Variants in PLEKHG6 observed in about 807,000 individuals in gnomAD.
The protein encoded by PLEKHG6 is pleckstrin homology domain-containing family G member 6.
PLEKHG6 carries 91 observed loss-of-function variants against 97.5 expected under a neutral mutation model. The ratio of observed to expected loss-of-function variants is 0.93; its 90% CI spans 0.79 to 1.11. The LOEUF (loss-of-function observed/expected upper bound fraction) is 1.11. Ranked by LOEUF, PLEKHG6 falls within the 50% of genes most tolerant of loss-of-function variation. PLEKHG6 has a pLI of 0.00. For missense variants in PLEKHG6, 1,044 were observed against 1,031.0 expected (o/e 1.01, Z -0.17); for synonymous variants, 466 against 425.5 (o/e 1.10, Z -1.17).
rs112889272 is a variant in PLEKHG6, at chr12:6,315,877, C to T, written c.564C>T (p.Ala188=). The change falls in exon 6 of 16, where the codon GCC becomes GCT. Residue 188 remains alanine (A), a synonymous_variant. Coordinates refer to ENST00000684764, the MANE Select transcript of PLEKHG6 (RefSeq NM_001384598.1). The surrounding 1 kb of genome is among the most constrained non-coding windows in gnomAD (Gnocchi z 4.5). ...CGTCTCCCTCCCTGCAGCTGCTAGC[C>T]GCCGGCCTGCTGAACCTGCAGCGAG... is the stretch of plus-strand genomic sequence containing the variant. The part of the protein sequence containing the change: ...RKLKIMTDLL[A]AGLLNLQRVG... 4.5e-5 allele frequency: 71 copies of T among 1,570,048 alleles called. No individual in the cohort carries two copies. Among genetic ancestry groups the T allele is most frequent in the African/African-American group, 2.8e-4 (21 of 74,050 alleles).
rs1476937886 is a variant in PLEKHG6 at position 6,315,480 on chromosome 12, G to A, written c.460-74G>A. On this transcript the variant is annotated intron_variant, in intron 4 of 15. Transcript: ENST00000684764. The surrounding 1 kb of genome is among the most constrained non-coding windows in gnomAD (Gnocchi z 4.5). ...TGCCTAGAACCTATGAAGTGGATCC[G>A]GTCGCACTTAACAGCTGGTACTTGC... 1.1e-5 allele frequency: 11 copies of A among 967,364 alleles called. No individual in the cohort carries two copies. The highest frequency in any genetic ancestry group is 2.3e-5 in the Admixed American group (1 of 42,866). The allele number at this position is 967,364 out of a possible 1,614,324, so 59.9% of individuals were successfully genotyped here. A position where few individuals can be genotyped will look rare whatever the true frequency, so the allele number is the denominator to read the frequency against.
chr12:6,315,940 G>C lies in PLEKHG6; in HGVS notation c.606+21G>C, dbSNP rs1009033565. 2 of 1,569,264 alleles carry C rather than the reference G, an allele frequency of 1.3e-6. No homozygotes were observed. Among genetic ancestry groups the C allele is most frequent in the Non-Finnish European group, 8.7e-7 (1 of 1,155,860 alleles). On this transcript the variant is annotated intron_variant, in intron 6 of 15. Coordinates refer to ENST00000684764, the MANE Select transcript of PLEKHG6 (RefSeq NM_001384598.1). This position sits in a 1 kb window ranked among gnomAD's most constrained non-coding sequence, Gnocchi z 4.5. ...TGGAAGTGAGTGGGTGCTCAGGAGG[G>C]GACCCTGGCACAGCCCGACCTCTGA...
At chr12:6,313,928 C>T (rs546101344) in intron 3 of PLEKHG6, 144 bp downstream of exon 3, 251 of 662,744 alleles carry the variant, frequency 3.8e-4, no homozygotes, top group Non-Finnish European at 3.2e-4. Flanking sequence ...CCTAGGACCT[C>T]TCAGGGATAT....
rs1947887360 is a variant in PLEKHG6 at position 6,327,148 on chromosome 12, C to G, written c.1671-106C>G. On this transcript the variant is annotated intron_variant, in intron 14 of 15. Transcript: ENST00000684764. ...TCACAGTGCGATGGAAAGATGATAC[C>G]AAAATAAGTTTGGAGGAGGGGCCAT... The G allele has an allele frequency of 5.7e-5, 40 of 705,854 alleles. No homozygotes were observed. In the East Asian group the frequency reaches 9.9e-4, roughly 17 times the overall value. 43.7% of individuals were successfully genotyped at this position (705,854 alleles called of 1,614,324 possible). A position where few individuals can be genotyped will look rare whatever the true frequency, so the allele number is the denominator to read the frequency against.
At chr12:6,319,606 C>T (rs1947633812) in intron 13 of PLEKHG6, 3 of 1,535,946 alleles carry the variant, frequency 2.0e-6, no homozygotes, top group Non-Finnish European at 2.6e-6. Context: ...CATCAGAAGA[C>T]AGAAAAAGCC....
At position 6,318,323 on chromosome 12, in the gene PLEKHG6, T is replaced by C. The variant is rs376319106; in HGVS notation, c.1178T>C (p.Leu393Pro). The C allele has an allele frequency of 5.6e-6, 9 of 1,614,096 alleles. No individual in the cohort carries two copies. Among genetic ancestry groups the C allele is most frequent in the Non-Finnish European group, 6.8e-6 (8 of 1,180,002 alleles). ...VEKNLRPFST[L>P]DLTSPMLGVA... ...CAGAACCTGCGCCCATTCTCCACCC[T>C]GGACCTGACGTCCCCCATGCTGGGG... The change falls in exon 11 of 16, where the codon CTG becomes CCG. Residue 393 changes from leucine to proline, a missense_variant. By Grantham distance (98) the Leu-to-Pro change is moderately conservative. Coordinates refer to ENST00000684764, the MANE Select transcript of PLEKHG6 (RefSeq NM_001384598.1).
At position 6,328,430 on chromosome 12, in the gene PLEKHG6, C is replaced by G; in HGVS notation, c.*285C>G. The G allele has an allele frequency of 2.5e-6, 1 of 406,952 alleles. No homozygotes were observed. Among genetic ancestry groups the G allele is most frequent in the Non-Finnish European group, 4.4e-6 (1 of 226,482 alleles). 25.2% of individuals were successfully genotyped at this position (406,952 alleles called of 1,614,324 possible). A position where few individuals can be genotyped will look rare whatever the true frequency, so the allele number is the denominator to read the frequency against. ...TTGGGAGGCTGAGGTGGGAGGATCCCTTGAGCCCAGGAGTTCCAGACCAGC... is the reference window on the plus strand; with the variant it reads ...TTGGGAGGCTGAGGTGGGAGGATCCGTTGAGCCCAGGAGTTCCAGACCAGC... On this transcript the variant is annotated 3_prime_UTR_variant, in exon 16 of 16. Transcript: ENST00000684764.
chr12:6,312,751 A>G (rs1947318976), intron 2 of PLEKHG6: 1 of 1,167,424 alleles, frequency 8.6e-7, no homozygotes, highest in Admixed American at 4.3e-5. Context: ...GATGAAGATG[A>G]GCAAAGGTTC....
intron 2 of PLEKHG6, 27 bp from the exon 3 acceptor site, chr12:6,313,602 C>T: frequency 6.2e-7 from 1 of 1,612,894 alleles, no homozygotes; most frequent in Non-Finnish European, 8.5e-7. Flanking sequence ...GGAGGCACCC[C>T]CAGAACTTCC....
Position 6,315,265 on chromosome 12 carries a change from C to A in PLEKHG6, c.459+96C>A. 2 of 1,255,602 alleles carry A rather than the reference C, an allele frequency of 1.6e-6. No individual in the cohort carries two copies. The highest frequency in any genetic ancestry group is 1.1e-6 in the Non-Finnish European group (1 of 919,296). 77.8% of individuals were successfully genotyped at this position (1,255,602 alleles called of 1,614,324 possible). A position where few individuals can be genotyped will look rare whatever the true frequency, so the allele number is the denominator to read the frequency against. ...AGGGAAAGGCCTTGGGAAGTGGGGT[C>A]ATGTGGAAAAAACATCTGGAAACGC... On this transcript the variant is annotated intron_variant, in intron 4 of 15. Transcript: ENST00000684764. This position sits in a 1 kb window ranked among gnomAD's most constrained non-coding sequence, Gnocchi z 4.5.
intron 13 of PLEKHG6, chr12:6,319,720 CG>C: frequency 6.6e-7 from 1 of 1,512,416 alleles, no homozygotes; most frequent in South Asian, 1.2e-5. Context: ...ATCTTCCATT[CG>C]CAGACATTTA....
chr12:6,318,547 T>C, intron 11 of PLEKHG6, 127 bp downstream of exon 11: 1 of 1,303,664 alleles, frequency 7.7e-7, no homozygotes, highest in South Asian at 1.5e-5. Flanking sequence ...CCCCAGTCAT[T>C]TGTGTGACCC....
In PLEKHG6 at chr12:6,313,625, C is replaced by T. The variant is rs575397472; in HGVS notation, c.139-4C>T. On this transcript the variant is annotated splice_polypyrimidine_tract_variant and splice_region_variant and intron_variant, in intron 2 of 15. Coordinates refer to ENST00000684764, the MANE Select transcript of PLEKHG6 (RefSeq NM_001384598.1). ...CCCCAGAACTTCCCCTGCTCCTCTC[C>T]CAGGATCCCAGTCGCCGACGCCTCC... 5.0e-6 allele frequency: 8 copies of T among 1,614,006 alleles called. No homozygotes were observed. In the South Asian group the frequency reaches 7.7e-5, roughly 16 times the overall value.
rs1036205414 is a variant in PLEKHG6, at chr12:6,315,359, C to T, written c.459+190C>T. ...ACCTTGGTCAAGACAGTAAAGTTCTCTGGGCCTCAGTTGCCACATATGTAA... is the reference window on the plus strand; with the variant it reads ...ACCTTGGTCAAGACAGTAAAGTTCTTTGGGCCTCAGTTGCCACATATGTAA... On this transcript the variant is annotated intron_variant, in intron 4 of 15. Transcript: ENST00000684764. This position sits in a 1 kb window ranked among gnomAD's most constrained non-coding sequence, Gnocchi z 4.5. 6.6e-6 allele frequency among the ~76,000 whole-genome samples: 1 copy of T among 152,244 alleles called. No individual in the cohort carries two copies. Among genetic ancestry groups the T allele is most frequent in the African/African-American group, 2.4e-5 (1 of 41,466 alleles).
intron 11 of PLEKHG6, 59 bp from the exon 12 acceptor site, chr12:6,318,686 C>T (rs1033937866): frequency 1.1e-5 from 18 of 1,577,930 alleles, no homozygotes; most frequent in Admixed American, 3.4e-5. Flanking sequence ...TCCTCCCGGA[C>T]CAGCCCTGCC....
Position 6,328,465 on chromosome 12 carries a change from A to C in PLEKHG6, c.*320A>C. 3.2e-6 allele frequency: 1 copy of C among 309,114 alleles called. No homozygotes were observed. Among genetic ancestry groups the C allele is most frequent in the East Asian group, 6.5e-5 (1 of 15,350 alleles). The allele number at this position is 309,114 out of a possible 1,614,324, so 19.1% of individuals were successfully genotyped here. ...GGAGTTCCAGACCAGCCTGGGCAAT[A>C]TAGGGAAACCCTGTCTTTACAAAAA... On this transcript the variant is annotated 3_prime_UTR_variant, in exon 16 of 16. Transcript: ENST00000684764.
Position 6,316,054 on chromosome 12 carries a change from T to C in PLEKHG6, c.606+135T>C. ...GGATGCCTTGCCCTCCCTACTTCCC[T>C]GTTACTGGGGACTCCAAGCAGGCCA... On this transcript the variant is annotated intron_variant, in intron 6 of 15. Transcript: ENST00000684764. This position sits in a 1 kb window ranked among gnomAD's most constrained non-coding sequence, Gnocchi z 4.1. 2 of 940,872 alleles carry C rather than the reference T, an allele frequency of 2.1e-6. No homozygotes were observed. The highest frequency in any genetic ancestry group is 3.4e-5 in the South Asian group (2 of 58,962). The allele number at this position is 940,872 out of a possible 1,614,324, so 58.3% of individuals were successfully genotyped here. A position where few individuals can be genotyped will look rare whatever the true frequency, so the allele number is the denominator to read the frequency against.
chr12:6,321,564 C>T (rs1448479842), intron 13 of PLEKHG6, among the ~76,000 whole-genome samples: 8 of 151,432 alleles, frequency 5.3e-5, no homozygotes, highest in Admixed American at 2.0e-4. Context: ...AGAGGCCGGG[C>T]GCGGTGGCTC....
Position 6,319,717 on chromosome 12 carries a change from A to C in PLEKHG6, c.1524+609A>C, listed in dbSNP as rs180747871. The stretch of plus-strand genomic sequence containing the variant: ...GATTAACTTCTAGAAGTCATCTTCC[A>C]TTCGCAGACATTTACAGGGCACTTG... On this transcript the variant is annotated intron_variant, in intron 13 of 15. Transcript: ENST00000684764. The C allele has an allele frequency of 5.2e-5, 78 of 1,513,834 alleles. 1 individual carries two copies. In the Admixed American group the frequency reaches 1.6e-3, roughly 31 times the overall value. The allele number at this position is 1,513,834 out of a possible 1,614,324, so 93.8% of individuals were successfully genotyped here.
Sources: allele counts gnomAD v4.1 joint callset (sites outside exome capture counted in the v4.1 genomes callset), GRCh38; gene constraint gnomAD v4.1.1; non-coding constraint Gnocchi (gnomAD v3.1); transcripts MANE v1.5; gene names NCBI Gene and HGNC (gene_info 2026-07-23, HGNC 2026-07-21).